The following SLC35F1 variants were observed in gnomAD, a reference collection of about 807,000 sequenced individuals.
SLC35F1 encodes chromosome 6 open reading frame 169.
In SLC35F1, 14 loss-of-function variants were observed where a neutral mutation model predicts 48.7. The observed-to-expected ratio is 0.29, with a 90% CI of 0.19 to 0.45. The LOEUF is 0.45. SLC35F1 is among the 20% of genes least tolerant of loss of function. SLC35F1 has a pLI of 1.00. For synonymous variants in SLC35F1, 190 were observed against 202.2 expected (o/e 0.94, Z 0.51); for missense variants, 404 against 500.0 (o/e 0.81, Z 1.83).
chr6:118,216,287 G>T (rs772872384), intron 2 of SLC35F1, among the ~76,000 whole-genome samples: 12 of 150,656 alleles, frequency 8.0e-5, no homozygotes, highest in Non-Finnish European at 3.0e-5. Flanking sequence ...TCACTATGTT[G>T]CCCAGGCTGA....
chr6:118,242,407 A>G (rs1297589929), intron 3 of SLC35F1, among the ~76,000 whole-genome samples: 1 of 152,216 alleles, frequency 6.6e-6, no homozygotes, highest in Non-Finnish European at 1.5e-5. Context: ...CAAAAATGAT[A>G]ACATTTATGC....
intron 1 of SLC35F1, among the ~76,000 whole-genome samples, chr6:118,035,614 C>T (rs1344463623): frequency 1.6e-5 from 2 of 125,102 alleles, no homozygotes; most frequent in Non-Finnish European, 3.4e-5. Context: ...AACTCCGTCT[C>T]ACAAAAAAAA....
intron 2 of SLC35F1, among the ~76,000 whole-genome samples, chr6:118,161,758 T>A (rs1774237808): frequency 6.6e-6 from 1 of 152,222 alleles, no homozygotes; most frequent in Non-Finnish European, 1.5e-5. Context: ...ATGGGAATTA[T>A]GCTTATGTTG....
chr6:118,152,256 G>A (rs761516868), intron 1 of SLC35F1, among the ~76,000 whole-genome samples: 1 of 152,192 alleles, frequency 6.6e-6, no homozygotes, highest in Non-Finnish European at 1.5e-5. Context: ...TCTCACTGCT[G>A]AAGTGCAAGT....
At chr6:118,097,952 A>G (rs1417163771) in intron 1 of SLC35F1, among the ~76,000 whole-genome samples, 1 of 152,210 alleles carries the variant, frequency 6.6e-6, no homozygotes, top group African/African-American at 2.4e-5. Context: ...TCTAAAAATA[A>G]GTCGATGGCT....
intron 2 of SLC35F1, among the ~76,000 whole-genome samples, chr6:118,194,561 G>C (rs887980389): frequency 6.6e-6 from 1 of 152,042 alleles, no homozygotes; most frequent in South Asian, 2.1e-4. Flanking sequence ...TCCTAAGCCC[G>C]TGTTCTATCC....
intron 1 of SLC35F1, among the ~76,000 whole-genome samples, chr6:117,993,861 C>T (rs532357611): frequency 6.6e-6 from 1 of 152,188 alleles, no homozygotes; most frequent in Non-Finnish European, 1.5e-5. Flanking sequence ...AGTCCAAATG[C>T]AAGTGTGTTC....
chr6:117,941,719 A>C (rs1776235533), intron 1 of SLC35F1, among the ~76,000 whole-genome samples: 1 of 152,242 alleles, frequency 6.6e-6, no homozygotes, highest in Non-Finnish European at 1.5e-5. Flanking sequence ...TGAATTGTTC[A>C]AGTATCACTA....
intron 3 of SLC35F1, among the ~76,000 whole-genome samples, chr6:118,262,121 C>T (rs573110512): frequency 6.6e-6 from 1 of 152,298 alleles, no homozygotes; most frequent in Non-Finnish European, 1.5e-5. Flanking sequence ...AGACTGTCCA[C>T]TACTGGGACA....
chr6:118,210,281 A>G (rs1328306285), intron 2 of SLC35F1, among the ~76,000 whole-genome samples: 1 of 152,172 alleles, frequency 6.6e-6, no homozygotes, highest in Non-Finnish European at 1.5e-5. Flanking sequence ...TCCACCTGAT[A>G]TACTTAAATG....
intron 7 of SLC35F1, among the ~76,000 whole-genome samples, chr6:118,310,962 G>T (rs765862092): frequency 2.6e-5 from 4 of 152,116 alleles, no homozygotes; most frequent in Non-Finnish European, 5.9e-5. Flanking sequence ...AATCATAAAT[G>T]GAGAGGAATC....
intron 2 of SLC35F1, among the ~76,000 whole-genome samples, chr6:118,158,453 G>T (rs1412079746): frequency 1.3e-5 from 2 of 152,188 alleles, no homozygotes; most frequent in African/African-American, 4.8e-5. Context: ...TCCGAGAGCT[G>T]CAAGTTAGGT....
chr6:118,089,125 G>A (rs948154653), intron 1 of SLC35F1, among the ~76,000 whole-genome samples: 11 of 152,152 alleles, frequency 7.2e-5, no homozygotes, highest in African/African-American at 2.7e-4. Flanking sequence ...CTGATGGGTT[G>A]GATACAAGAG....
intron 2 of SLC35F1, among the ~76,000 whole-genome samples, chr6:118,210,602 A>G (rs1774990068): frequency 6.6e-6 from 1 of 152,180 alleles, no homozygotes; most frequent in Non-Finnish European, 1.5e-5. Flanking sequence ...AGCCGTTCTC[A>G]GACAAGGCTT....
chr6:118,270,452 C>G (rs1044904753), intron 4 of SLC35F1, among the ~76,000 whole-genome samples: 15 of 152,140 alleles, frequency 9.9e-5, no homozygotes, highest in Non-Finnish European at 1.5e-5. Context: ...TAGTCCCCAG[C>G]CTGGAAGACT....
intron 2 of SLC35F1, among the ~76,000 whole-genome samples, chr6:118,219,189 G>C (rs1422227029): frequency 1.3e-5 from 2 of 152,146 alleles, no homozygotes; most frequent in African/African-American, 4.8e-5. Flanking sequence ...TGTAAATGTA[G>C]TAGAAGATGA....
chr6:117,996,318 G>C (rs926933268), intron 1 of SLC35F1, among the ~76,000 whole-genome samples: 5 of 152,188 alleles, frequency 3.3e-5, no homozygotes, highest in African/African-American at 1.2e-4. Flanking sequence ...AATTTCTTGA[G>C]TGGCAGCCAA....
chr6:118,085,379 A>G (rs1258361709), intron 1 of SLC35F1, among the ~76,000 whole-genome samples: 2 of 151,930 alleles, frequency 1.3e-5, no homozygotes, highest in Non-Finnish European at 1.5e-5. Context: ...TCCTTCTCAC[A>G]AATTCATTAG....
At chr6:118,267,327 T>C (rs731695) in intron 4 of SLC35F1, among the ~76,000 whole-genome samples, 173 bp downstream of exon 4, 57,983 of 152,092 alleles carry the variant, frequency 0.38, 11,847 homozygotes, top group Middle Eastern at 0.49. Flanking sequence ...AGGAGGTGCT[T>C]AATGCATGTT....
Sources: gnomAD v4.1 joint callset for allele counts (sites outside exome capture counted in the v4.1 genomes callset) on GRCh38, gnomAD v4.1.1 for gene constraint, MANE v1.5 for transcripts, NCBI Gene and HGNC (gene_info 2026-07-23, HGNC 2026-07-21) for gene names.